The following CLIC4 variants were observed in gnomAD, a reference collection of about 807,000 sequenced individuals.
CLIC4 encodes chloride intracellular channel protein 4.
Under a neutral mutation model 24.6 loss-of-function variants are expected in CLIC4, and 13 were observed. The ratio of observed to expected loss-of-function variants is 0.53; its 90% confidence interval spans 0.34 to 0.84. The LOEUF (loss-of-function observed/expected upper bound fraction) is 0.84, where lower values mean the gene tolerates loss of function less well. CLIC4 is among the 40% of genes least tolerant of loss of function. CLIC4 has a pLI of 0.01. For missense variants in CLIC4, 227 were observed against 301.7 expected, an observed-to-expected ratio of 0.75 and a Z score of 1.83; for synonymous variants, 104 against 111.3, an observed-to-expected ratio of 0.93 and a Z score of 0.41.
At chr1:24,772,500 G>T (rs576784264) in intron 1 of CLIC4, among the ~76,000 whole-genome samples, 12 of 152,234 alleles carry the variant, frequency 7.9e-5, no homozygotes, top group East Asian at 1.9e-4. Context: ...TATATATATA[G>T]AGAGAGACGG....
At chr1:24,831,908 A>G (rs544863824) in intron 4 of CLIC4, among the ~76,000 whole-genome samples, 57 of 152,292 alleles carry the variant, frequency 3.7e-4, no homozygotes, top group Non-Finnish European at 7.3e-4. Context: ...CAAAGTACTG[A>G]GATGACAGGT....
At chr1:24,783,295 T>C (rs1464661274) in intron 1 of CLIC4, among the ~76,000 whole-genome samples, 1 of 152,140 alleles carries the variant, frequency 6.6e-6, no homozygotes, top group East Asian at 1.9e-4. Context: ...AGGTTCCAAA[T>C]GGAAAATCCA....
intron 1 of CLIC4, among the ~76,000 whole-genome samples, chr1:24,760,230 G>T (rs1328675508): frequency 6.6e-6 from 1 of 152,056 alleles, no homozygotes; most frequent in Non-Finnish European, 1.5e-5. Flanking sequence ...GCCAGGCGTG[G>T]TGGCGGGTGC....
chr1:24,759,952 C>A (rs994028724), intron 1 of CLIC4, among the ~76,000 whole-genome samples: 3 of 151,888 alleles, frequency 2.0e-5, no homozygotes, highest in Non-Finnish European at 2.9e-5. Flanking sequence ...CAGAGTGAGA[C>A]CGTGTCTCAA....
At chr1:24,776,788 TGTAGTCCCAGCTACTCGGGAG>T (rs57007255) in intron 1 of CLIC4, among the ~76,000 whole-genome samples, 88,882 of 151,774 alleles carry the variant, frequency 0.59, 28,237 homozygotes, top group Non-Finnish European at 0.71. Flanking sequence ...GGTAGGGGCC[TGTAGTCCCAGCTACTCGGGAG>T]GCTGAGGCAG....
chr1:24,827,182 T>C (rs1469193621), intron 4 of CLIC4, 66 bp downstream of exon 4: 9 of 965,878 alleles, frequency 9.3e-6, no homozygotes, highest in Admixed American at 4.3e-5. Flanking sequence ...GCTGTTATTA[T>C]GACAGTGATT....
chr1:24,777,414 T>A (rs1195987102), intron 1 of CLIC4, among the ~76,000 whole-genome samples: 2 of 151,802 alleles, frequency 1.3e-5, no homozygotes, highest in African/African-American at 4.8e-5. Context: ...CGTGGTGGCA[T>A]GTGCCTGTAA....
At chr1:24,800,328 C>G (rs1329171934) in intron 2 of CLIC4, among the ~76,000 whole-genome samples, 2 of 113,312 alleles carry the variant, frequency 1.8e-5, no homozygotes, top group African/African-American at 3.5e-5. Context: ...CCAGCCGCCC[C>G]GTCCGGGAGG....
intron 4 of CLIC4, among the ~76,000 whole-genome samples, chr1:24,835,229 A>G (rs1225604516): frequency 6.6e-6 from 1 of 152,242 alleles, no homozygotes; most frequent in Non-Finnish European, 1.5e-5. Context: ...TCACTTAGGT[A>G]GGTAACACAT....
intron 3 of CLIC4, among the ~76,000 whole-genome samples, chr1:24,826,134 T>C (rs1330884338): frequency 6.6e-6 from 1 of 152,244 alleles, no homozygotes; most frequent in African/African-American, 2.4e-5. Context: ...GAAATATACA[T>C]TTTTGTGTGT....
At position 24,840,005 on chromosome 1, in the gene CLIC4, T is replaced by C. The variant is rs915059259; in HGVS notation, c.561T>C (p.Ala187=). ...TGGATGGCAATGAAATGACATTAGCTGATTGCAACCTGCTGCCCAAACTGC... is the reference window on the plus strand; with the variant it reads ...TGGATGGCAATGAAATGACATTAGCCGATTGCAACCTGCTGCCCAAACTGC... ...KFLDGNEMTL[A]DCNLLPKLHI... Residue 187 remains alanine (A), a synonymous_variant, in exon 5 of 6, where the codon GCT becomes GCC. Transcript: ENST00000374379. 6.2e-7 allele frequency: 1 copy of C among 1,614,202 alleles called. No homozygotes were observed.
intron 2 of CLIC4, among the ~76,000 whole-genome samples, chr1:24,808,732 A>G (rs540603862): frequency 2.8e-4 from 42 of 149,062 alleles, no homozygotes; most frequent in African/African-American, 8.9e-4. Context: ...GCTGGAGTGC[A>G]GTGGCGCGAT....
At chr1:24,758,729 G>T (rs1638883817) in intron 1 of CLIC4, among the ~76,000 whole-genome samples, 2 of 152,052 alleles carry the variant, frequency 1.3e-5, no homozygotes, top group South Asian at 4.1e-4. Flanking sequence ...AAAGTTCTGG[G>T]ATTACAGGCA....
intron 5 of CLIC4, among the ~76,000 whole-genome samples, chr1:24,840,244 AT>A (rs1015039723): frequency 6.6e-6 from 1 of 151,634 alleles, no homozygotes; most frequent in African/African-American, 2.4e-5. Context: ...AAAGATGAAT[AT>A]TTTTTTTTCT....
At chr1:24,787,031 C>T (rs1450394316) in intron 1 of CLIC4, among the ~76,000 whole-genome samples, 1 of 152,148 alleles carries the variant, frequency 6.6e-6, no homozygotes, top group Admixed American at 6.6e-5. Context: ...AGTGATCCTC[C>T]TGCTTCAGCA....
At chr1:24,827,222 C>A (rs1191851000) in intron 4 of CLIC4, 106 bp downstream of exon 4, 3 of 674,428 alleles carry the variant, frequency 4.4e-6, no homozygotes, top group Non-Finnish European at 7.6e-6. Flanking sequence ...TCCAGCCATT[C>A]CCATAAGTAA....
At chr1:24,830,101 T>C (rs778791160) in intron 4 of CLIC4, among the ~76,000 whole-genome samples, 36 of 152,362 alleles carry the variant, frequency 2.4e-4, no homozygotes, top group Non-Finnish European at 4.4e-4. Context: ...TTTAATGTTT[T>C]CTGCCTTGAA....
At chr1:24,769,055 G>A (rs1287178547) in intron 1 of CLIC4, among the ~76,000 whole-genome samples, 3 of 152,102 alleles carry the variant, frequency 2.0e-5, no homozygotes, top group African/African-American at 4.8e-5. Flanking sequence ...TGAAGCAGGA[G>A]ATTGAGGCTG....
chr1:24,816,486 G>A (rs1054799782), intron 3 of CLIC4, among the ~76,000 whole-genome samples: 5 of 151,868 alleles, frequency 3.3e-5, no homozygotes, highest in Admixed American at 2.0e-4. Context: ...CAGATGATCC[G>A]CCCGTCTCGG....
Sources: gnomAD v4.1 joint callset for allele counts (sites outside exome capture counted in the v4.1 genomes callset) on GRCh38, gnomAD v4.1.1 for gene constraint, MANE v1.5 for transcripts, NCBI Gene and HGNC (gene_info 2026-07-23, HGNC 2026-07-21) for gene names.